The following C7 variants were observed in gnomAD, a reference collection of about 807,000 sequenced individuals.
C7 encodes complement component C7.
A neutral mutation model predicts 104.8 loss-of-function variants in C7; 83 were observed. The ratio of observed to expected loss-of-function variants is 0.79; its 90% CI spans 0.66 to 0.95. The LOEUF (loss-of-function observed/expected upper bound fraction) is 0.95, where lower values mean the gene tolerates loss of function less well. C7 is among the 40% of genes least tolerant of loss of function. The pLI, the probability that C7 is intolerant of heterozygous loss-of-function variation, is 0.00. For missense variants in C7, 1,070 were observed against 1,011.2 expected (o/e 1.06, Z -0.79); for synonymous variants, 415 against 360.6 (o/e 1.15, Z -1.71).
intron 10 of C7, among the ~76,000 whole-genome samples, chr5:40,956,488 G>A (rs1347062963): frequency 6.6e-6 from 1 of 152,204 alleles, no homozygotes; most frequent in African/African-American, 2.4e-5. Context: ...TGTTTCCACT[G>A]TGTGAAGCAT....
intron 5 of C7, 103 bp downstream of exon 5, chr5:40,936,588 A>G: frequency 9.5e-7 from 1 of 1,057,840 alleles, no homozygotes; most frequent in East Asian, 2.6e-5. Flanking sequence ...TCTAATAGGC[A>G]AGATTATTCA....
intron 13 of C7, among the ~76,000 whole-genome samples, chr5:40,964,050 TTAG>T (rs1740490120): frequency 1.0e-5 from 1 of 99,466 alleles, no homozygotes; most frequent in African/African-American, 3.7e-5. Flanking sequence ...TTTTTTTTTT[TTAG>T]AGAGAGAGAG....
chr5:40,964,646 T>A (rs566965523), intron 13 of C7, 95 bp from the exon 14 acceptor site: 1 of 1,086,780 alleles, frequency 9.2e-7, no homozygotes, highest in Non-Finnish European at 1.4e-6. Flanking sequence ...GCTTGCCTGA[T>A]GATTATGATT....
In C7 at chr5:40,972,598, A is replaced by T; in HGVS notation, c.2074+4A>T. ...AATGCCCGCTGTGTACAAAAAGGTG[A>T]GTGGCTTCCATGTCTATCCAAGGAC... is the stretch of plus-strand genomic sequence containing the variant. On this transcript the variant is annotated splice_donor_region_variant and intron_variant, in intron 15 of 17. Transcript: ENST00000313164. 6.3e-7 allele frequency: 1 copy of T among 1,584,284 alleles called. No individual in the cohort carries two copies. The highest frequency in any genetic ancestry group is 8.6e-7 in the Non-Finnish European group (1 of 1,166,458).
At chr5:40,921,621 T>G (rs1464081786) in intron 1 of C7, among the ~76,000 whole-genome samples, 2 of 151,242 alleles carry the variant, frequency 1.3e-5, no homozygotes. Context: ...AAAAAAGTAG[T>G]ATGCTAACAA....
chr5:40,930,957 A>G, intron 2 of C7, 107 bp from the exon 3 acceptor site: 1 of 785,486 alleles, frequency 1.3e-6, no homozygotes, highest in Non-Finnish European at 2.2e-6. Flanking sequence ...CTTCGGAAAA[A>G]ATATTTGAGG....
At chr5:40,977,656 C>T (rs1740847539) in intron 16 of C7, among the ~76,000 whole-genome samples, 1 of 152,158 alleles carries the variant, frequency 6.6e-6, no homozygotes, top group Non-Finnish European at 1.5e-5. Context: ...TCCTTCCTGC[C>T]TCGAGTCTCC....
intron 1 of C7, among the ~76,000 whole-genome samples, chr5:40,921,373 C>A (rs324073): frequency 0.26 from 38,964 of 151,778 alleles, 5,797 homozygotes; most frequent in African/African-American, 0.42. Context: ...ATTAAAATAT[C>A]TATACTCCCC....
chr5:40,965,644 A>ATTTT (rs1187259916), intron 14 of C7, among the ~76,000 whole-genome samples: 2 of 85,492 alleles, frequency 2.3e-5, no homozygotes, highest in East Asian at 3.2e-4. Context: ...ATATATATAT[A>ATTTT]TATATTTTTT....
intron 14 of C7, among the ~76,000 whole-genome samples, chr5:40,967,300 A>G (rs66762907): frequency 0.24 from 36,139 of 152,066 alleles, 4,397 homozygotes; most frequent in South Asian, 0.4. Context: ...TCTTGACCTC[A>G]TGATTTGTCC....
chr5:40,974,889 C>G (rs1740780749), intron 15 of C7, among the ~76,000 whole-genome samples: 1 of 152,128 alleles, frequency 6.6e-6, no homozygotes, highest in Non-Finnish European at 1.5e-5. Context: ...AATTTTAGGT[C>G]TAATAATTCT....
intron 12 of C7, 138 bp downstream of exon 12, chr5:40,959,758 A>G: frequency 1.6e-6 from 1 of 636,188 alleles, no homozygotes; most frequent in East Asian, 2.9e-5. Context: ...GTCCCTTAGC[A>G]CTAGGGTGAG....
At chr5:40,950,625 T>G (rs1218384791) in intron 9 of C7, among the ~76,000 whole-genome samples, 2 of 152,216 alleles carry the variant, frequency 1.3e-5, no homozygotes, top group Non-Finnish European at 2.9e-5. Context: ...CTGCTCTCTC[T>G]TTCATGTGTC....
At chr5:40,964,964 G>A in intron 14 of C7, 91 bp downstream of exon 14, 1 of 1,423,980 alleles carries the variant, frequency 7.0e-7, no homozygotes, top group Non-Finnish European at 9.8e-7. Context: ...TATGGCCCAT[G>A]TGTTGGCCTT....
At position 40,978,570 on chromosome 5, in the gene C7, A is replaced by G. The variant is rs565524134; in HGVS notation, c.2166-1155A>G. ...TTCTATTTAAAGTTTCAATAAACAG[A>G]TGAAAAGATAGATTCAAAACAACAG... On this transcript the variant is annotated intron_variant, in intron 16 of 17. Transcript: ENST00000313164. Among the ~76,000 whole-genome samples, 10 of 152,340 alleles carry G rather than the reference A, an allele frequency of 6.6e-5. No individual in the cohort carries two copies. In the South Asian group the frequency reaches 2.1e-3, roughly 32 times the overall value.
At chr5:40,955,613 C>T (rs966374495) in intron 10 of C7, 60 bp downstream of exon 10, 22 of 1,495,648 alleles carry the variant, frequency 1.5e-5, no homozygotes, top group Admixed American at 5.9e-5. Flanking sequence ...ATGAGGAAAA[C>T]GAAGGTGGTT....
intron 17 of C7, among the ~76,000 whole-genome samples, 152 bp from the exon 18 acceptor site, chr5:40,981,240 G>A (rs1207988727): frequency 6.6e-6 from 1 of 152,138 alleles, no homozygotes; most frequent in Non-Finnish European, 1.5e-5. Flanking sequence ...CAATTTCCTG[G>A]TCCTACTGCT....
In C7 at chr5:40,955,439, A is replaced by T. The variant is rs1230929133; in HGVS notation, c.1146A>T (p.Ala382=). ...RGEPFIRGGG[A]GFISGLSYLE... ...AACCGTTCATCAGAGGGGGAGGTGC[A>T]GGCTTCATATCTGGCCTTAGTTACC... is the stretch of plus-strand genomic sequence containing the variant. The change falls in exon 10 of 18, where the codon GCA becomes GCT. Residue 382 remains alanine, a synonymous_variant. Coordinates refer to ENST00000313164, the MANE Select transcript of C7 (RefSeq NM_000587.4). 6.2e-6 allele frequency: 10 copies of T among 1,612,816 alleles called. No individual in the cohort carries two copies. The highest frequency in any genetic ancestry group is 1.6e-4 in the Middle Eastern group (1 of 6,080).
chr5:40,962,230 G>T, intron 13 of C7, 58 bp downstream of exon 13: 1 of 1,023,920 alleles, frequency 9.8e-7, no homozygotes, highest in Non-Finnish European at 1.4e-6. Context: ...TCTCTCTGCT[G>T]AGCCCATAAC....
Sources: gnomAD v4.1 joint callset for allele counts (sites outside exome capture counted in the v4.1 genomes callset) on GRCh38, gnomAD v4.1.1 for gene constraint, MANE v1.5 for transcripts, NCBI Gene and HGNC (gene_info 2026-07-23, HGNC 2026-07-21) for gene names.